The following NBAS variants were observed in gnomAD, a reference collection of about 807,000 sequenced individuals.
NBAS encodes NAG/BC035112 fusion.
NBAS carries 219 observed loss-of-function variants against 302.5 expected under a neutral mutation model. The ratio of observed to expected loss-of-function variants is 0.72; its 90% confidence interval spans 0.65 to 0.81. The LOEUF (loss-of-function observed/expected upper bound fraction) is 0.81. Ranked by LOEUF, NBAS falls within the 30% of genes least tolerant of loss-of-function variation. The pLI, the probability that NBAS is intolerant of heterozygous loss-of-function variation, is 0.00. For synonymous variants in NBAS, 1,118 were observed against 1,021.6 expected (o/e 1.09, Z -1.80); for missense variants, 2,932 against 2,841.6 (o/e 1.03, Z -0.72).
the NBAS span, among the ~76,000 whole-genome samples, chr2:14,865,174 G>A: frequency 1.3e-5 from 2 of 152,066 alleles, no homozygotes; most frequent in African/African-American, 4.8e-5. Flanking sequence ...TTCTCCATTC[G>A]CAAAATGGTA....
intron 1 of NBAS, 38 bp downstream of exon 1, chr2:15,561,150 C>T: frequency 6.3e-7 from 1 of 1,593,820 alleles, no homozygotes; most frequent in Non-Finnish European, 8.6e-7. Flanking sequence ...GAAGCGCCCG[C>T]GCCAAGCTGG....
At chr2:15,304,164 G>A (rs1445393003) in intron 40 of NBAS, among the ~76,000 whole-genome samples, 1 of 152,142 alleles carries the variant, frequency 6.6e-6, no homozygotes, top group Non-Finnish European at 1.5e-5. Context: ...GAAGATAACT[G>A]AATCATGAGG....
At chr2:15,203,233 A>G (rs1665966614) in intron 48 of NBAS, among the ~76,000 whole-genome samples, 1 of 152,206 alleles carries the variant, frequency 6.6e-6, no homozygotes, top group Non-Finnish European at 1.5e-5. Flanking sequence ...GTTATATATC[A>G]TTCTGTCATA....
downstream of NBAS, among the ~76,000 whole-genome samples, chr2:15,162,303 T>G (rs1308992420): frequency 6.6e-6 from 1 of 152,140 alleles, no homozygotes; most frequent in Non-Finnish European, 1.5e-5. Flanking sequence ...CTTTCACTAG[T>G]GAAGCATCAG....
chr2:15,102,143 C>T, the NBAS span, among the ~76,000 whole-genome samples: 1 of 152,240 alleles, frequency 6.6e-6, no homozygotes. Context: ...GAAGCATCCT[C>T]TGTGTCCAGC....
the NBAS span, among the ~76,000 whole-genome samples, chr2:15,123,210 T>C: frequency 6.6e-6 from 1 of 152,154 alleles, no homozygotes; most frequent in Non-Finnish European, 1.5e-5. Flanking sequence ...TATGTCAAAC[T>C]AGATCCAATC....
intron 38 of NBAS, among the ~76,000 whole-genome samples, chr2:15,322,394 T>A (rs946291853): frequency 1.3e-5 from 2 of 151,282 alleles, no homozygotes; most frequent in South Asian, 2.1e-4. Flanking sequence ...TAATAAAAAA[T>A]AAATAAATAA....
the NBAS span, among the ~76,000 whole-genome samples, chr2:15,061,079 G>A: frequency 6.6e-6 from 1 of 152,226 alleles, no homozygotes; most frequent in Non-Finnish European, 1.5e-5. Context: ...AGGCTGGAAA[G>A]GATCATTCAG....
chr2:15,501,411 A>C (rs1416314509), intron 11 of NBAS, among the ~76,000 whole-genome samples: 1 of 152,178 alleles, frequency 6.6e-6, no homozygotes, highest in Admixed American at 6.5e-5. Context: ...TCTATAATTC[A>C]GGATATAAAG....
chr2:14,999,759 T>C, the NBAS span, among the ~76,000 whole-genome samples: 3 of 152,184 alleles, frequency 2.0e-5, no homozygotes, highest in Admixed American at 1.3e-4. Flanking sequence ...GACTAATACA[T>C]TATCTATTAA....
the NBAS span, among the ~76,000 whole-genome samples, chr2:15,094,994 T>C: frequency 6.6e-6 from 1 of 152,194 alleles, no homozygotes; most frequent in African/African-American, 2.4e-5. Context: ...CCCATATTTG[T>C]TTAAAAATTA....
rs865816740 is a variant in NBAS, at chr2:15,503,814, A to G, written c.954+331T>C. 2.0e-5 allele frequency among the ~76,000 whole-genome samples: 3 copies of G among 152,244 alleles called. No individual in the cohort carries two copies. The South Asian group carries it at 6.2e-4, about 32-fold the overall frequency. ...TATTATGAACAATAATACAAAATTC[A>G]CAAGATTTGTAAAGATAAAATATGA... On this transcript the variant is annotated intron_variant, in intron 11 of 51. Transcript: ENST00000281513.
intron 9 of NBAS, among the ~76,000 whole-genome samples, chr2:15,526,219 G>T (rs569224113): frequency 6.6e-6 from 1 of 152,004 alleles, no homozygotes; most frequent in Non-Finnish European, 1.5e-5. Context: ...GTTTAAGGAG[G>T]ACAAAATACA....
the NBAS span, among the ~76,000 whole-genome samples, chr2:14,837,932 C>T: frequency 6.6e-6 from 1 of 151,722 alleles, no homozygotes; most frequent in Non-Finnish European, 1.5e-5. Context: ...TTTAATTGGG[C>T]TGAAATGTCT....
intron 48 of NBAS, among the ~76,000 whole-genome samples, chr2:15,214,531 C>T (rs185485766): frequency 6.6e-6 from 1 of 152,306 alleles, no homozygotes; most frequent in Admixed American, 6.5e-5. Context: ...TTGAAAGTCT[C>T]TTCTAGTTCT....
chr2:14,784,657 T>C, the NBAS span, among the ~76,000 whole-genome samples: 1 of 152,200 alleles, frequency 6.6e-6, no homozygotes, highest in African/African-American at 2.4e-5. Context: ...CTGAGGGCTC[T>C]GTTCTGTTCC....
At chr2:14,930,551 A>C in the NBAS span, among the ~76,000 whole-genome samples, 1 of 152,364 alleles carries the variant, frequency 6.6e-6, no homozygotes, top group South Asian at 2.1e-4. Context: ...ATATGAGATC[A>C]AATAAATAGT....
chr2:15,052,014 T>C, the NBAS span, among the ~76,000 whole-genome samples: 1 of 152,224 alleles, frequency 6.6e-6, no homozygotes, highest in Non-Finnish European at 1.5e-5. Context: ...TGATAACTTA[T>C]TATAGTGACA....
At chr2:15,261,546 CCTTAAA>C (rs1668853281) in intron 44 of NBAS, among the ~76,000 whole-genome samples, 1 of 152,100 alleles carries the variant, frequency 6.6e-6, no homozygotes, top group African/African-American at 2.4e-5. Flanking sequence ...GGCCACTTTA[CCTTAAA>C]CTTAACCCTT....
Sources: gnomAD v4.1 joint callset for allele counts (sites outside exome capture counted in the v4.1 genomes callset) on GRCh38, gnomAD v4.1.1 for gene constraint, MANE v1.5 for transcripts, NCBI Gene and HGNC (gene_info 2026-07-23, HGNC 2026-07-21) for gene names.